Variants in JAKMIP1 observed in about 807,000 individuals in gnomAD.
The protein encoded by JAKMIP1 is janus kinase and microtubule-interacting protein 1.
A neutral mutation model predicts 113.0 loss-of-function variants in JAKMIP1; 33 were observed. That is an observed-to-expected ratio of 0.29 (90% CI 0.22 to 0.39). The LOEUF is 0.39. Ranked by LOEUF, JAKMIP1 falls within the 10% of genes least tolerant of loss-of-function variation. The pLI, the probability that JAKMIP1 is intolerant of heterozygous loss-of-function variation, is 1.00. For synonymous variants in JAKMIP1, 480 were observed against 459.9 expected (o/e 1.04, Z -0.56); for missense variants, 813 against 1,080.5 (o/e 0.75, Z 3.47).
chr4:6,164,831 C>A (rs894183441), intron 1 of JAKMIP1, among the ~76,000 whole-genome samples: 2 of 152,220 alleles, frequency 1.3e-5, no homozygotes, highest in Admixed American at 1.3e-4. Flanking sequence ...TGTGAGTGAA[C>A]TGCTGCAATC....
intron 1 of JAKMIP1, among the ~76,000 whole-genome samples, chr4:6,161,751 A>C (rs1478537903): frequency 6.6e-6 from 1 of 151,664 alleles, no homozygotes; most frequent in Non-Finnish European, 1.5e-5. Flanking sequence ...GAAAAGGTCC[A>C]CTCTGGATGC....
rs894066736 is a variant in JAKMIP1, at chr4:6,050,765, G to C, written c.1807-86C>G. ...TCCCACGTTACTCAGCAAAAACCAA[G>C]GAATTCCAGTGGGCACAGACGTTAC... On this transcript the variant is annotated intron_variant, in intron 13 of 20. Coordinates refer to ENST00000409021, the MANE Select transcript of JAKMIP1 (RefSeq NM_001099433.2). This position sits in a 1 kb window ranked among gnomAD's most constrained non-coding sequence, Gnocchi z 7.4. 3 of 1,089,854 alleles carry C rather than the reference G, an allele frequency of 2.8e-6. No homozygotes were observed. Among genetic ancestry groups the C allele is most frequent in the Non-Finnish European group, 4.1e-6 (3 of 733,696 alleles). 67.5% of individuals were successfully genotyped at this position (1,089,854 alleles called of 1,614,324 possible). A position where few individuals can be genotyped will look rare whatever the true frequency, so the allele number is the denominator to read the frequency against.
rs4689331 is a variant in JAKMIP1 at position 6,080,646 on chromosome 4, C to T, written c.1102-334G>A. ...TTGGCTCTCAGTCTGTCTTGTCTGC[C>T]GCCAAGTAAGATGTGCCTTTAGCTT... is the stretch of plus-strand genomic sequence containing the variant. On this transcript the variant is annotated intron_variant, in intron 6 of 20. Transcript: ENST00000409021. This position sits in a 1 kb window ranked among gnomAD's most constrained non-coding sequence, Gnocchi z 6.0. Among the ~76,000 whole-genome samples, 151,107 of 152,312 alleles carry T rather than the reference C, an allele frequency of 0.99. 74,967 individuals carry two copies. The highest frequency in any genetic ancestry group is 1 in the Middle Eastern group (294 of 294).
At chr4:6,172,027 C>T (rs9637549) in intron 1 of JAKMIP1, among the ~76,000 whole-genome samples, 2 of 152,140 alleles carry the variant, frequency 1.3e-5, no homozygotes, top group African/African-American at 4.8e-5. Flanking sequence ...CCACGTGATA[C>T]CTGATTGTTG....
intron 1 of JAKMIP1, among the ~76,000 whole-genome samples, chr4:6,146,020 C>A (rs1720805375): frequency 6.6e-6 from 1 of 152,146 alleles, no homozygotes. Context: ...TAGCACGTTG[C>A]AAGTGTCTCT....
intron 8 of JAKMIP1, among the ~76,000 whole-genome samples, chr4:6,077,335 C>T (rs1719821556): frequency 1.3e-5 from 2 of 151,912 alleles, no homozygotes; most frequent in African/African-American, 2.4e-5. Context: ...AAACCAAGGA[C>T]ACCAAAGATT....
rs566843221 is a variant in JAKMIP1 at position 6,063,943 on chromosome 4, G to C, written c.1431+937C>G. ...TGGAGACCTGGAGAAGTGCTCCCTC[G>C]CGAGGTAGCGCGATCCACCTGCCCC... is the stretch of plus-strand genomic sequence containing the variant. On this transcript the variant is annotated intron_variant, in intron 9 of 20. Transcript: ENST00000409021. Among the ~76,000 whole-genome samples the C allele has an allele frequency of 3.3e-5, 5 of 152,330 alleles. No homozygotes were observed. In the South Asian group the frequency reaches 1.0e-3, roughly 32 times the overall value.
At chr4:6,189,928 C>T (rs1311807407) in intron 1 of JAKMIP1, among the ~76,000 whole-genome samples, 3 of 152,164 alleles carry the variant, frequency 2.0e-5, no homozygotes, top group East Asian at 1.9e-4. Flanking sequence ...CTGCTGCAGG[C>T]GTGGCAGGAG....
At position 6,116,540 on chromosome 4, in the gene JAKMIP1, G is replaced by A. The variant is rs574188146; in HGVS notation, c.-147-3543C>T. The stretch of plus-strand genomic sequence containing the variant: ...ACCCTGGACCTTGTCTGGCATATAG[G>A]CCAAGGTTGGCAAATATTCATCTCC... On this transcript the variant is annotated intron_variant, in intron 1 of 20. Coordinates refer to ENST00000409021, the MANE Select transcript of JAKMIP1 (RefSeq NM_001099433.2). This position sits in a 1 kb window ranked among gnomAD's most constrained non-coding sequence, Gnocchi z 5.1. Among the ~76,000 whole-genome samples the A allele has an allele frequency of 6.6e-6, 1 of 152,276 alleles. No homozygotes were observed. The highest frequency in any genetic ancestry group is 1.9e-4 in the East Asian group (1 of 5,164).
chr4:6,109,381 C>T (rs1459431899), intron 2 of JAKMIP1, among the ~76,000 whole-genome samples: 2 of 151,864 alleles, frequency 1.3e-5, no homozygotes, highest in Non-Finnish European at 2.9e-5. Context: ...TATCCGCCCG[C>T]CTTGGCCTCC....
rs1353983769 is a variant in JAKMIP1 at position 6,162,042 on chromosome 4, A to G, written c.-148+38211T>C. Reference sequence around the variant, plus strand: ...TGCCTCCTTGATGGAGCCGAGCAGGAAGGAAAGGGGTGGATTGCACAGGCC... The same window carrying G: ...TGCCTCCTTGATGGAGCCGAGCAGGGAGGAAAGGGGTGGATTGCACAGGCC... On this transcript the variant is annotated intron_variant, in intron 1 of 20. Coordinates refer to ENST00000409021, the MANE Select transcript of JAKMIP1 (RefSeq NM_001099433.2). The surrounding 1 kb of genome is among the most constrained non-coding windows in gnomAD (Gnocchi z 5.6). Among the ~76,000 whole-genome samples, 1 of 150,698 alleles carries G rather than the reference A, an allele frequency of 6.6e-6. No homozygotes were observed. Among genetic ancestry groups the G allele is most frequent in the African/African-American group, 2.5e-5 (1 of 40,090 alleles).
Position 6,040,155 on chromosome 4 carries a change from C to T in JAKMIP1, c.2175+484G>A, listed in dbSNP as rs1714128114. ...ACATCATCCCACTGTATTTTAATCA[C>T]CAGGACGCCCAGAATCAATTTTGCA... On this transcript the variant is annotated intron_variant, in intron 18 of 20. Coordinates refer to ENST00000409021, the MANE Select transcript of JAKMIP1 (RefSeq NM_001099433.2). The surrounding 1 kb of genome is among the most constrained non-coding windows in gnomAD (Gnocchi z 5.8). Among the ~76,000 whole-genome samples the T allele has an allele frequency of 6.6e-6, 1 of 152,186 alleles. No individual in the cohort carries two copies. The highest frequency in any genetic ancestry group is 1.5e-5 in the Non-Finnish European group (1 of 68,036).
intron 1 of JAKMIP1, among the ~76,000 whole-genome samples, chr4:6,127,914 C>A (rs1717949759): frequency 6.6e-6 from 1 of 152,216 alleles, no homozygotes; most frequent in South Asian, 2.1e-4. Context: ...AAAATGCGTC[C>A]ACTCCCCTTC....
intron 1 of JAKMIP1, among the ~76,000 whole-genome samples, chr4:6,134,125 A>T (rs2108943465): frequency 6.6e-6 from 1 of 152,310 alleles, no homozygotes; most frequent in East Asian, 1.9e-4. Context: ...TGTTCTCATG[A>T]TAGTGAATGA....
At chr4:6,090,885 T>C (rs1277358431) in intron 3 of JAKMIP1, among the ~76,000 whole-genome samples, 1 of 151,906 alleles carries the variant, frequency 6.6e-6, no homozygotes, top group Non-Finnish European at 1.5e-5. Context: ...AAACCCCACG[T>C]TGACCATGAC....
rs1338856414 is a variant in JAKMIP1 at position 6,064,616 on chromosome 4, C to T, written c.1431+264G>A. On this transcript the variant is annotated intron_variant, in intron 9 of 20. Transcript: ENST00000409021. The surrounding 1 kb of genome is among the most constrained non-coding windows in gnomAD (Gnocchi z 4.3). Reference sequence around the variant, plus strand: ...CAATGACTCAGCTTGAACTTGGCAGCCACAGATTTCCTTGGTGGGGAAATC... The same window carrying T: ...CAATGACTCAGCTTGAACTTGGCAGTCACAGATTTCCTTGGTGGGGAAATC... 6.6e-6 allele frequency among the ~76,000 whole-genome samples: 1 copy of T among 152,056 alleles called. No homozygotes were observed. The highest frequency in any genetic ancestry group is 6.5e-5 in the Admixed American group (1 of 15,278).
intron 1 of JAKMIP1, among the ~76,000 whole-genome samples, chr4:6,134,422 G>A (rs1718943321): frequency 6.6e-6 from 1 of 152,150 alleles, no homozygotes; most frequent in African/African-American, 2.4e-5. Flanking sequence ...CCTGACTGAT[G>A]CTCTCTTCTT....
Position 6,091,825 on chromosome 4 carries a change from G to C in JAKMIP1, c.625-6196C>G, listed in dbSNP as rs1722100927. 4.6e-5 allele frequency among the ~76,000 whole-genome samples: 7 copies of C among 152,322 alleles called. No homozygotes were observed. The South Asian group carries it at 1.5e-3, about 32-fold the overall frequency. ...GGGTTAAGGCATGAACTGGTGGTTTGTCACCAACTGTGGGACCCAGGCTAT... is the reference window on the plus strand; with the variant it reads ...GGGTTAAGGCATGAACTGGTGGTTTCTCACCAACTGTGGGACCCAGGCTAT... On this transcript the variant is annotated intron_variant, in intron 3 of 20. Coordinates refer to ENST00000409021, the MANE Select transcript of JAKMIP1 (RefSeq NM_001099433.2).
intron 2 of JAKMIP1, among the ~76,000 whole-genome samples, chr4:6,107,588 G>A (rs188451514): frequency 6.6e-5 from 10 of 152,158 alleles, no homozygotes; most frequent in Admixed American, 2.0e-4. Flanking sequence ...GGTCCCCTGC[G>A]GAAGAAGGAA....
Sources: allele counts gnomAD v4.1 joint callset (sites outside exome capture counted in the v4.1 genomes callset), GRCh38; gene constraint gnomAD v4.1.1; non-coding constraint Gnocchi (gnomAD v3.1); transcripts MANE v1.5; gene names NCBI Gene and HGNC (gene_info 2026-07-23, HGNC 2026-07-21).